PDE10A: variants seen among roughly 807,000 people sequenced by gnomAD.
PDE10A encodes cAMP and cAMP-inhibited cGMP 3',5'-cyclic phosphodiesterase 10A.
Under a neutral mutation model 97.7 loss-of-function variants are expected in PDE10A, and 39 were observed. That is an observed-to-expected ratio of 0.40 (90% CI 0.31 to 0.52). The LOEUF (loss-of-function observed/expected upper bound fraction) is 0.52, where lower values mean the gene tolerates loss of function less well. PDE10A is among the 20% of genes least tolerant of loss of function. The pLI, the probability that PDE10A is intolerant of heterozygous loss-of-function variation, is 0.56. For synonymous variants in PDE10A, 371 were observed against 376.8 expected (o/e 0.98, Z 0.18); for missense variants, 731 against 1,047.8 (o/e 0.70, Z 4.17).
chr6:165,379,607 T>C (rs1293171240), intron 17 of PDE10A, among the ~76,000 whole-genome samples: 6 of 152,156 alleles, frequency 3.9e-5, no homozygotes, highest in African/African-American at 1.4e-4. Context: ...GCAACTATAA[T>C]AACATCATTT....
intron 2 of PDE10A, among the ~76,000 whole-genome samples, chr6:165,534,290 C>A: frequency 3.1e-5 from 4 of 129,470 alleles, no homozygotes; most frequent in African/African-American, 5.4e-5. Flanking sequence ...AAGATAGATG[C>A]AATAATAAAA....
Position 165,691,192 on chromosome 6 carries a change from TCTCTCTCTCCCCACAC to T in PDE10A, c.-614-147640_-614-147625del, listed in dbSNP as rs1562687228. Among the ~76,000 whole-genome samples the T allele has an allele frequency of 3.3e-3, 160 of 48,870 alleles. 6 individuals carry two copies. Among genetic ancestry groups the T allele is most frequent in the African/African-American group, 0.014 (149 of 10,304 alleles). The allele number at this position is 48,870 out of a possible 152,430, so 32.1% of individuals were successfully genotyped here. Reference sequence around the variant, plus strand: ...TTCTTTCTCTCTCTCTCTCTCCCTCTCTCTCTCTCCCCACACACACACACACACACACACACACACA... The same window carrying T: ...TTCTTTCTCTCTCTCTCTCTCCCTCTACACACACACACACACACACACACA... On this transcript the variant is annotated intron_variant, in intron 1 of 19. Transcript: ENST00000366882.
chr6:165,356,514 G>T (rs1783037739), intron 18 of PDE10A, among the ~76,000 whole-genome samples: 1 of 152,078 alleles, frequency 6.6e-6, no homozygotes, highest in South Asian at 2.1e-4. Context: ...TTCCTTAAAG[G>T]TACCTTTTAA....
At chr6:165,849,829 A>AT (rs1343987856) in intron 1 of PDE10A, among the ~76,000 whole-genome samples, 1 of 151,602 alleles carries the variant, frequency 6.6e-6, no homozygotes, top group East Asian at 1.9e-4. Context: ...TAGGAAAAAA[A>AT]AATTGGCTGG....
Position 165,737,133 on chromosome 6 carries a change from A to T in PDE10A, c.-614-193565T>A, listed in dbSNP as rs1424742359. ...AATCTGAAAAGATCAGTGAGTAAGGAGATACAATCAGTAATCAAAAGTCTC... is the reference window on the plus strand; with the variant it reads ...AATCTGAAAAGATCAGTGAGTAAGGTGATACAATCAGTAATCAAAAGTCTC... On this transcript the variant is annotated intron_variant, in intron 1 of 19. Transcript: ENST00000366882. Among the ~76,000 whole-genome samples the T allele has an allele frequency of 2.0e-5, 3 of 152,242 alleles. No individual in the cohort carries two copies. The East Asian group carries it at 5.8e-4, about 29-fold the overall frequency.
intron 10 of PDE10A, among the ~76,000 whole-genome samples, chr6:165,423,593 C>A (rs977385641): frequency 6.6e-6 from 1 of 152,108 alleles, no homozygotes; most frequent in Non-Finnish European, 1.5e-5. Context: ...TTAGGCCGGG[C>A]GCGGTGGCTG....
At chr6:165,603,839 G>C (rs1324743172) in intron 1 of PDE10A, among the ~76,000 whole-genome samples, 1 of 152,186 alleles carries the variant, frequency 6.6e-6, no homozygotes, top group East Asian at 1.9e-4. Context: ...TTATCCACTA[G>C]GGAACGGATG....
Position 165,958,563 on chromosome 6 carries a change from A to AAGAC in PDE10A, c.-615+28962_-615+28965dup, listed in dbSNP as rs1266506527. ...AAAGAAAGAAAGAAAGAAAGAAAGA[A>AAGAC]AGACAGACAGAAAGAAAGACAGAAA... On this transcript the variant is annotated intron_variant, in intron 1 of 19. Transcript: ENST00000366882. 6.1e-3 allele frequency among the ~76,000 whole-genome samples: 93 copies of AAGAC among 15,288 alleles called. 6 individuals carry two copies. Among genetic ancestry groups the AAGAC allele is most frequent in the Non-Finnish European group, 0.012 (73 of 6,274 alleles). The allele number at this position is 15,288 out of a possible 152,430, so 10.0% of individuals were successfully genotyped here.
intron 1 of PDE10A, among the ~76,000 whole-genome samples, chr6:165,843,623 G>C (rs973002728): frequency 6.6e-6 from 1 of 152,108 alleles, no homozygotes; most frequent in Non-Finnish European, 1.5e-5. Context: ...CCATCCCTGA[G>C]GGCAGAGCCC....
At chr6:165,725,866 A>G (rs922645816) in intron 1 of PDE10A, among the ~76,000 whole-genome samples, 1 of 152,052 alleles carries the variant, frequency 6.6e-6, no homozygotes, top group African/African-American at 2.4e-5. Context: ...TCCTCAGCAA[A>G]CTTTCAATGT....
At chr6:165,371,664 A>T (rs1251722467) in intron 18 of PDE10A, among the ~76,000 whole-genome samples, 2 of 152,214 alleles carry the variant, frequency 1.3e-5, no homozygotes, top group African/African-American at 4.8e-5. Flanking sequence ...AGGAACTGGT[A>T]CCATTCCTTC....
At chr6:165,433,631 T>A (rs1789760810) in intron 6 of PDE10A, among the ~76,000 whole-genome samples, 1 of 152,204 alleles carries the variant, frequency 6.6e-6, no homozygotes, top group South Asian at 2.1e-4. Context: ...ATTAAGTATT[T>A]GAATCAACTA....
intron 2 of PDE10A, among the ~76,000 whole-genome samples, chr6:165,531,595 A>T (rs1283936800): frequency 6.6e-6 from 1 of 152,178 alleles, no homozygotes. Flanking sequence ...TGCCCTTAAA[A>T]TATTTTTCTA....
intron 1 of PDE10A, among the ~76,000 whole-genome samples, chr6:165,941,859 C>T (rs1331988669): frequency 2.0e-5 from 3 of 152,182 alleles, no homozygotes; most frequent in Admixed American, 2.0e-4. Flanking sequence ...AATGCACCAC[C>T]TTTCACCTGC....
At chr6:165,387,642 C>T (rs1437388068) in intron 17 of PDE10A, among the ~76,000 whole-genome samples, 2 of 152,190 alleles carry the variant, frequency 1.3e-5, no homozygotes, top group Non-Finnish European at 2.9e-5. Flanking sequence ...TCTCTTCCTA[C>T]TTAGAGGTGC....
intron 1 of PDE10A, among the ~76,000 whole-genome samples, chr6:165,967,235 A>G (rs1784536144): frequency 6.6e-6 from 1 of 152,234 alleles, no homozygotes; most frequent in Admixed American, 6.5e-5. Flanking sequence ...ACAGTGGTTC[A>G]CGCCTGTAAT....
chr6:165,965,099 G>A (rs1315542983), intron 1 of PDE10A, among the ~76,000 whole-genome samples: 1 of 152,216 alleles, frequency 6.6e-6, no homozygotes, highest in African/African-American at 2.4e-5. Context: ...ATATATTTTA[G>A]AAGAAGCAAT....
At chr6:165,763,553 C>A (rs1793303100) in intron 1 of PDE10A, among the ~76,000 whole-genome samples, 1 of 152,298 alleles carries the variant, frequency 6.6e-6, no homozygotes, top group South Asian at 2.1e-4. Flanking sequence ...GAACTCCTGA[C>A]CTCAGGTGAT....
rs1424576814 is a variant in PDE10A at position 165,739,187 on chromosome 6, T to C, written c.-614-195619A>G. 2.6e-5 allele frequency among the ~76,000 whole-genome samples: 4 copies of C among 152,314 alleles called. No individual in the cohort carries two copies. The East Asian group carries it at 7.7e-4, about 29-fold the overall frequency. ...GGACCCTGGATAGTCAAAGCAACCT[T>C]GATCAAGAAGAACAAAGCTGGAGGC... On this transcript the variant is annotated intron_variant, in intron 1 of 19. Coordinates refer to the PDE10A transcript ENST00000366882.
Sources: gnomAD v4.1 joint callset for allele counts (sites outside exome capture counted in the v4.1 genomes callset) on GRCh38, gnomAD v4.1.1 for gene constraint, MANE v1.5 for transcripts, NCBI Gene and HGNC (gene_info 2026-07-23, HGNC 2026-07-21) for gene names.